Variants in CCSER1 observed in about 807,000 individuals in gnomAD.
CCSER1 encodes the protein serine-rich coiled-coil domain-containing protein 1.
In CCSER1, 41 loss-of-function variants were observed where a neutral mutation model predicts 82.0. That is an observed-to-expected ratio of 0.50 (90% CI 0.39 to 0.65). CCSER1 has a LOEUF of 0.65. Ranked by LOEUF, CCSER1 falls within the 30% of genes least tolerant of loss-of-function variation. The pLI, the probability that CCSER1 is intolerant of heterozygous loss-of-function variation, is 0.00. For synonymous variants in CCSER1, 414 were observed against 383.9 expected (o/e 1.08, Z -0.92); for missense variants, 1,119 against 1,064.2 (o/e 1.05, Z -0.72).
intron 5 of CCSER1, among the ~76,000 whole-genome samples, chr4:90,529,225 A>AT (rs1231459630): frequency 1.5e-4 from 23 of 151,270 alleles, no homozygotes; most frequent in Admixed American, 1.4e-3. Context: ...TTTATTTTTT[A>AT]TTTTTTTGCG....
At position 91,557,964 on chromosome 4, in the gene CCSER1, CAAAA is replaced by C. The variant is rs1256721275; in HGVS notation, c.2218-40604_2218-40601del. Among the ~76,000 whole-genome samples the C allele has an allele frequency of 3.3e-5, 5 of 150,254 alleles. 1 individual carries two copies. Among genetic ancestry groups the C allele is most frequent in the African/African-American group, 1.2e-4 (5 of 41,184 alleles). ...ATACTAGGACCATGATAAAAATACA[CAAAA>C]AAAGATATTAATGGGGTAAATTAAA... is the stretch of plus-strand genomic sequence containing the variant. On this transcript the variant is annotated intron_variant, in intron 10 of 10. Transcript: ENST00000509176.
At chr4:91,247,375 G>T (rs1739883395) in intron 10 of CCSER1, among the ~76,000 whole-genome samples, 2 of 151,830 alleles carry the variant, frequency 1.3e-5, no homozygotes, top group Non-Finnish European at 2.9e-5. Context: ...GGATTGAAAT[G>T]ATAGGCCAGG....
chr4:90,887,957 G>A (rs1722401202), intron 8 of CCSER1, among the ~76,000 whole-genome samples: 1 of 152,094 alleles, frequency 6.6e-6, no homozygotes, highest in South Asian at 2.1e-4. Flanking sequence ...CAACACATCT[G>A]GAATTTAGTT....
chr4:91,442,966 G>A (rs1755288364), intron 10 of CCSER1, among the ~76,000 whole-genome samples: 1 of 152,100 alleles, frequency 6.6e-6, no homozygotes, highest in South Asian at 2.1e-4. Flanking sequence ...TAAAAAGTCA[G>A]GAAACAACAG....
chr4:90,202,976 A>G (rs186014572), intron 1 of CCSER1, among the ~76,000 whole-genome samples: 46 of 152,310 alleles, frequency 3.0e-4, no homozygotes, highest in Admixed American at 4.6e-4. Context: ...TTATCCATGT[A>G]TTTTTAACTG....
chr4:91,119,199 C>T (rs1726882285), intron 10 of CCSER1, among the ~76,000 whole-genome samples: 1 of 152,096 alleles, frequency 6.6e-6, no homozygotes, highest in Non-Finnish European at 1.5e-5. Flanking sequence ...GATTAAACTC[C>T]ACTGGTGAGC....
intron 10 of CCSER1, among the ~76,000 whole-genome samples, chr4:91,208,618 C>T (rs1003698067): frequency 2.0e-4 from 30 of 151,352 alleles, no homozygotes; most frequent in African/African-American, 5.3e-4. Flanking sequence ...CATGCTGTTT[C>T]GGTTACTGTA....
At chr4:90,532,003 GTA>G (rs374729389) in intron 5 of CCSER1, among the ~76,000 whole-genome samples, 17 of 150,876 alleles carry the variant, frequency 1.1e-4, no homozygotes, top group South Asian at 6.3e-4. Flanking sequence ...GATTTTAAGA[GTA>G]TATATATATA....
intron 10 of CCSER1, among the ~76,000 whole-genome samples, chr4:91,149,566 T>C (rs925351989): frequency 6.6e-6 from 1 of 152,216 alleles, no homozygotes; most frequent in Non-Finnish European, 1.5e-5. Flanking sequence ...GCCTATGTCC[T>C]GAATGGTATT....
At chr4:90,347,313 C>G (rs980318459) in intron 3 of CCSER1, among the ~76,000 whole-genome samples, 1 of 141,544 alleles carries the variant, frequency 7.1e-6, no homozygotes, top group Non-Finnish European at 1.6e-5. Context: ...AACATAAGCT[C>G]TATCTATCTA....
At chr4:91,121,215 G>C (rs763448240) in intron 10 of CCSER1, among the ~76,000 whole-genome samples, 7 of 151,290 alleles carry the variant, frequency 4.6e-5, no homozygotes, top group Admixed American at 4.0e-4. Context: ...GTCATATAAA[G>C]TATTTCTTGT....
chr4:91,174,651 T>C (rs1733118291), intron 10 of CCSER1, among the ~76,000 whole-genome samples: 1 of 152,140 alleles, frequency 6.6e-6, no homozygotes, highest in Non-Finnish European at 1.5e-5. Context: ...CTACTAAAAA[T>C]AAATGTTTTA....
At chr4:90,957,299 A>T (rs1275617346) in intron 9 of CCSER1, among the ~76,000 whole-genome samples, 1 of 143,424 alleles carries the variant, frequency 7.0e-6, no homozygotes, top group African/African-American at 2.6e-5. Flanking sequence ...ATGGGGTTTC[A>T]CCATCTTGGC....
intron 10 of CCSER1, among the ~76,000 whole-genome samples, chr4:91,425,262 C>CT (rs1311258972): frequency 2.0e-5 from 3 of 152,046 alleles, no homozygotes; most frequent in Admixed American, 6.5e-5. Flanking sequence ...GAACTTTAAA[C>CT]TTTTTTATCT....
intron 9 of CCSER1, among the ~76,000 whole-genome samples, chr4:91,070,111 A>G (rs1366999891): frequency 6.6e-6 from 1 of 151,774 alleles, no homozygotes; most frequent in Non-Finnish European, 1.5e-5. Flanking sequence ...CAGCCTCCCA[A>G]GTAGCTGGGA....
chr4:90,920,370 T>C (rs1430143828), intron 8 of CCSER1, among the ~76,000 whole-genome samples: 5 of 152,040 alleles, frequency 3.3e-5, no homozygotes, highest in African/African-American at 1.2e-4. Flanking sequence ...TTCTATCCTT[T>C]CTGGCATAAA....
At chr4:91,169,717 G>T (rs1264235140) in intron 10 of CCSER1, among the ~76,000 whole-genome samples, 1 of 151,576 alleles carries the variant, frequency 6.6e-6, no homozygotes, top group Admixed American at 6.6e-5. Context: ...ACATTTTCTT[G>T]GTGCATTAAG....
chr4:91,395,150 G>C (rs1377670693), intron 10 of CCSER1, among the ~76,000 whole-genome samples: 5 of 151,976 alleles, frequency 3.3e-5, no homozygotes, highest in Non-Finnish European at 5.9e-5. Context: ...GCACTTGTCT[G>C]ATCAGTAAAG....
At chr4:91,440,895 A>G (rs1382795540) in intron 10 of CCSER1, among the ~76,000 whole-genome samples, 1 of 152,164 alleles carries the variant, frequency 6.6e-6, no homozygotes, top group Non-Finnish European at 1.5e-5. Context: ...TCCTCGACAC[A>G]TACACCCTCC....
Sources: allele counts gnomAD v4.1 joint callset (sites outside exome capture counted in the v4.1 genomes callset), GRCh38; gene constraint gnomAD v4.1.1; transcripts MANE v1.5; gene names NCBI Gene and HGNC (gene_info 2026-07-23, HGNC 2026-07-21).